MACF1: variants seen among roughly 807,000 people sequenced by gnomAD.
MACF1 encodes the protein microtubule-actin cross-linking factor 1.
A neutral mutation model predicts 854.8 loss-of-function variants in MACF1; 193 were observed. The ratio of observed to expected loss-of-function variants is 0.23; its 90% CI spans 0.20 to 0.25. MACF1 has a LOEUF of 0.25. MACF1 is among the 10% of genes least tolerant of loss of function. The pLI, the probability that MACF1 is intolerant of heterozygous loss-of-function variation, is 1.00. For synonymous variants in MACF1, 3,185 were observed against 3,226.7 expected (o/e 0.99, Z 0.44); for missense variants, 7,722 against 8,929.1 (o/e 0.86, Z 5.45).
chr1:39,331,943 A>C lies in MACF1; in HGVS notation c.5355A>C (p.Thr1785=). ...ATCCAAGAACAGGACACAGACTTACAGTGGAAGAGGCTGTAAGACATAATC... is the reference window on the plus strand; with the variant it reads ...ATCCAAGAACAGGACACAGACTTACCGTGGAAGAGGCTGTAAGACATAATC... ...IVDPRTGHRL[T]VEEAVRHNLI... is the part of the protein sequence containing the mutation. The change falls in exon 37 of 101, where the codon ACA becomes ACC. Residue 1785 remains threonine (T), a synonymous_variant. Transcript: ENST00000564288. 2 of 1,614,136 alleles carry C rather than the reference A, an allele frequency of 1.2e-6. No homozygotes were observed. The highest frequency in any genetic ancestry group is 1.7e-6 in the Non-Finnish European group (2 of 1,180,018).
intron 2 of MACF1, among the ~76,000 whole-genome samples, chr1:39,145,446 G>A (rs889978197): frequency 7.9e-5 from 12 of 152,072 alleles, no homozygotes; most frequent in African/African-American, 2.9e-4. Flanking sequence ...TCTTTGTAAA[G>A]ATATTCAGGT....
Position 39,204,999 on chromosome 1 carries a change from G to T in MACF1, c.-24G>T. 6 of 702,874 alleles carry T rather than the reference G, an allele frequency of 8.5e-6. No homozygotes were observed. Among genetic ancestry groups the T allele is most frequent in the Non-Finnish European group, 1.6e-5 (6 of 384,940 alleles). The allele number at this position is 702,874 out of a possible 1,614,324, so 43.5% of individuals were successfully genotyped here. A position where few individuals can be genotyped will look rare whatever the true frequency, so the allele number is the denominator to read the frequency against. ...GCGCTGAGCTTGTGGCTAACTCAAG[G>T]GAGGAGAAAGGACGGGCCTGGAAAT... On this transcript the variant is annotated 5_prime_UTR_variant, in exon 1 of 101. Coordinates refer to ENST00000564288, the MANE Select transcript of MACF1 (RefSeq NM_001394062.1).
intron 35 of MACF1, among the ~76,000 whole-genome samples, chr1:39,326,917 A>T: frequency 6.6e-6 from 1 of 152,140 alleles, no homozygotes; most frequent in East Asian, 1.9e-4. Context: ...TTGAAGTCTA[A>T]GATTTCAGAA....
intron 72 of MACF1, 52 bp from the exon 73 acceptor site, chr1:39,440,951 A>G: frequency 6.2e-7 from 1 of 1,605,484 alleles, no homozygotes; most frequent in Non-Finnish European, 8.5e-7. Flanking sequence ...AAAGTTTGGT[A>G]AGTTCTGTTC....
Position 39,139,707 on chromosome 1 carries a change from T to G in MACF1, c.220+55269T>G, listed in dbSNP as rs547399505. On this transcript the variant is annotated intron_variant, in intron 2 of 93. Coordinates refer to the MACF1 transcript ENST00000361689. ...TTACTTTTTGTGGATCCTTCCCTGA[T>G]TATCTCAGATACAAGTTATATCATC... Among the ~76,000 whole-genome samples the G allele has an allele frequency of 2.0e-5, 3 of 152,334 alleles. No homozygotes were observed. In the East Asian group the frequency reaches 5.8e-4, roughly 29 times the overall value.
At chr1:39,397,487 G>A (rs560911016) in intron 58 of MACF1, among the ~76,000 whole-genome samples, 131 of 152,044 alleles carry the variant, frequency 8.6e-4, no homozygotes, top group South Asian at 3.5e-3. Context: ...GCTTGAACCC[G>A]GGAGGCAGAG....
intron 84 of MACF1, among the ~76,000 whole-genome samples, chr1:39,450,718 TCTC>T (rs1307399428): frequency 6.6e-6 from 1 of 151,246 alleles, no homozygotes; most frequent in Non-Finnish European, 1.5e-5. Flanking sequence ...TTCGCGCCAT[TCTC>T]CTGCCTCAGC....
chr1:39,296,216 A>T (rs1036674958), intron 20 of MACF1, among the ~76,000 whole-genome samples: 9 of 152,124 alleles, frequency 5.9e-5, no homozygotes, highest in Non-Finnish European at 1.3e-4. Flanking sequence ...CTTTCTTCAC[A>T]AAGTGGCTGT....
chr1:39,180,938 G>T (rs1048268160), intron 2 of MACF1, among the ~76,000 whole-genome samples: 11 of 152,100 alleles, frequency 7.2e-5, no homozygotes, highest in Non-Finnish European at 1.5e-4. Flanking sequence ...ACAGGGTCTG[G>T]CTCTGTTGCC....
chr1:39,101,861 A>C lies in MACF1; in HGVS notation c.220+17423A>C, dbSNP rs1420648260. On this transcript the variant is annotated intron_variant, in intron 2 of 93. Transcript: ENST00000361689. Reference sequence around the variant, plus strand: ...AGGAAAGAAAGAAAGGGAGGGAGGGAGGGAAAGAAAGAAAAGAGAGAGAGA... The same window carrying C: ...AGGAAAGAAAGAAAGGGAGGGAGGGCGGGAAAGAAAGAAAAGAGAGAGAGA... Among the ~76,000 whole-genome samples, 13 of 132,994 alleles carry C rather than the reference A, an allele frequency of 9.8e-5. No homozygotes were observed. The Admixed American group carries it at 1.0e-3, about 10-fold the overall frequency. The allele number at this position is 132,994 out of a possible 152,430, so 87.2% of individuals were successfully genotyped here.
In MACF1 at chr1:39,455,054, C is replaced by G. The variant is rs145113396; in HGVS notation, c.21032C>G (p.Pro7011Arg). Residue 7011 changes from proline (P) to arginine (R), a missense_variant, in exon 89 of 101, where the codon CCG becomes CGG. By Grantham distance (103) the Pro-to-Arg change is moderately radical. Transcript: ENST00000564288. Reference sequence around the variant, plus strand: ...ATTCAGCGGGATCAGGAGCCAATCCCGCAGAACATTGACCGAGTTAAAGCC... The same window carrying G: ...ATTCAGCGGGATCAGGAGCCAATCCGGCAGAACATTGACCGAGTTAAAGCC... ...TLIQRDQEPI[P>R]QNIDRVKALI... is the part of the protein sequence containing the mutation. The G allele has an allele frequency of 1.2e-6, 2 of 1,614,078 alleles. No homozygotes were observed. The highest frequency in any genetic ancestry group is 4.5e-5 in the East Asian group (2 of 44,868).
In MACF1 at chr1:39,283,020, C is replaced by A; in HGVS notation, c.696-169C>A. On this transcript the variant is annotated intron_variant, in intron 7 of 100. Transcript: ENST00000564288. This position sits in a 1 kb window ranked among gnomAD's most constrained non-coding sequence, Gnocchi z 4.5. ...AGTTTAGCATTAGGGAGCACTGGGC[C>A]CCTGGTGTATACTTAAAAATGGAAT... The A allele has an allele frequency of 1.7e-6, 1 of 571,678 alleles. No individual in the cohort carries two copies. The highest frequency in any genetic ancestry group is 3.1e-6 in the Non-Finnish European group (1 of 322,398). The allele number at this position is 571,678 out of a possible 1,614,324, so 35.4% of individuals were successfully genotyped here. A position where few individuals can be genotyped will look rare whatever the true frequency, so the allele number is the denominator to read the frequency against.
chr1:39,441,437 A>G lies in MACF1; in HGVS notation c.18672+112A>G, dbSNP rs147235540. ...ATCACCTTCACAGGACTGCAGACCT[A>G]AGATAGTGGTGTTTCCACAAATTTA... On this transcript the variant is annotated intron_variant, in intron 74 of 100. Transcript: ENST00000564288. 2.1e-3 allele frequency: 1,641 copies of G among 795,926 alleles called. 6 individuals carry two copies. Among genetic ancestry groups the G allele is most frequent in the East Asian group, 0.011 (407 of 38,632 alleles). 49.3% of individuals were successfully genotyped at this position (795,926 alleles called of 1,614,324 possible). A position where few individuals can be genotyped will look rare whatever the true frequency, so the allele number is the denominator to read the frequency against.
chr1:39,442,450 C>T lies in MACF1; in HGVS notation c.18987C>T (p.Phe6329=), dbSNP rs763236287. 6.2e-7 allele frequency: 1 copy of T among 1,614,156 alleles called. No individual in the cohort carries two copies. Among genetic ancestry groups the T allele is most frequent in the Non-Finnish European group, 8.5e-7 (1 of 1,180,024 alleles). ...LEGALLALGQ[F]QHALEELMSW... Reference sequence around the variant, plus strand: ...GGGCTCTGTTGGCCCTTGGTCAGTTCCAGCATGCCTTAGAGGAACTAATGA... The same window carrying T: ...GGGCTCTGTTGGCCCTTGGTCAGTTTCAGCATGCCTTAGAGGAACTAATGA... The change falls in exon 77 of 101, where the codon TTC becomes TTT. Residue 6329 remains phenylalanine, a synonymous_variant. Coordinates refer to ENST00000564288, the MANE Select transcript of MACF1 (RefSeq NM_001394062.1).
At chr1:39,254,799 G>T (rs1398589052) in intron 5 of MACF1, among the ~76,000 whole-genome samples, 2 of 152,164 alleles carry the variant, frequency 1.3e-5, no homozygotes, top group Non-Finnish European at 2.9e-5. Context: ...TGAGAAAAAG[G>T]TCTAAGTTGT....
intron 26 of MACF1, among the ~76,000 whole-genome samples, chr1:39,314,687 A>T (rs1646378142): frequency 1.3e-5 from 2 of 151,364 alleles, no homozygotes; most frequent in Admixed American, 6.6e-5. Context: ...CCATATTTTT[A>T]ACCCCCTTCC....
At position 39,458,442 on chromosome 1, in the gene MACF1, A is replaced by G. The variant is rs139123483; in HGVS notation, c.21148A>G (p.Ile7050Val). 3.1e-6 allele frequency: 5 copies of G among 1,614,208 alleles called. No individual in the cohort carries two copies. The East Asian group carries it at 6.7e-5, about 22-fold the overall frequency. ...CACCAAGACATACAAAAGGAAAAAC[A>G]TAGAGCCTACTCACGCGCCTTTCAT... Reference protein sequence around the residue: ...RVTKTYKRKNIEPTHAPFIEK... With the variant: ...RVTKTYKRKNVEPTHAPFIEK... The change falls in exon 90 of 101, where the codon ATA (isoleucine) becomes GTA (valine). Residue 7050 changes from isoleucine (I) to valine (V), a missense_variant. Physicochemically the swap from Ile to Val is conservative, Grantham distance 29. Transcript: ENST00000564288.
chr1:39,117,132 A>G (rs1351068242), intron 2 of MACF1, among the ~76,000 whole-genome samples: 1 of 152,194 alleles, frequency 6.6e-6, no homozygotes, highest in Non-Finnish European at 1.5e-5. Context: ...TAACAGGTTC[A>G]ATATAACCAC....
At chr1:39,317,538 C>A in intron 29 of MACF1, 131 bp downstream of exon 29, 1 of 1,045,880 alleles carries the variant, frequency 9.6e-7, no homozygotes. Flanking sequence ...TTAAAAACCA[C>A]ATAAATTCTG....
Sources: allele counts gnomAD v4.1 joint callset (sites outside exome capture counted in the v4.1 genomes callset), GRCh38; gene constraint gnomAD v4.1.1; non-coding constraint Gnocchi (gnomAD v3.1); transcripts MANE v1.5; gene names NCBI Gene and HGNC (gene_info 2026-07-23, HGNC 2026-07-21).